ARFIP1: variants seen among roughly 807,000 people sequenced by gnomAD.
The protein encoded by ARFIP1 is ARF interacting protein 1.
In ARFIP1, 24 loss-of-function variants were observed where a neutral mutation model predicts 42.5. The observed-to-expected ratio is 0.57, with a 90% CI of 0.41 to 0.80. ARFIP1 has a LOEUF of 0.80. ARFIP1 is among the 30% of genes least tolerant of loss of function. The probability of loss-of-function intolerance (pLI) is 0.00; values close to 1 mark genes in which losing one functional copy is unlikely to be tolerated. For missense variants in ARFIP1, 354 were observed against 434.0 expected (o/e 0.82, Z 1.64); for synonymous variants, 141 against 153.7 (o/e 0.92, Z 0.61).
intron 8 of ARFIP1, among the ~76,000 whole-genome samples, chr4:152,902,772 G>T (rs1488771241): frequency 6.6e-6 from 1 of 152,204 alleles, no homozygotes; most frequent in East Asian, 1.9e-4. Flanking sequence ...TCTCCTAAAA[G>T]TGGGATTTGA....
At chr4:152,872,109 A>G (rs1215666104) in intron 4 of ARFIP1, among the ~76,000 whole-genome samples, 1 of 152,102 alleles carries the variant, frequency 6.6e-6, no homozygotes, top group African/African-American at 2.4e-5. Context: ...TTTTAGTGTC[A>G]TTAGTGTATA....
chr4:152,893,891 A>G (rs985644935), intron 8 of ARFIP1, among the ~76,000 whole-genome samples: 3 of 152,166 alleles, frequency 2.0e-5, no homozygotes, highest in Non-Finnish European at 4.4e-5. Flanking sequence ...AGTGTTTCAT[A>G]TATAATCACA....
chr4:152,883,871 C>T (rs1431330924), intron 7 of ARFIP1, among the ~76,000 whole-genome samples: 2 of 151,408 alleles, frequency 1.3e-5, no homozygotes, highest in Admixed American at 1.3e-4. Context: ...TCTTATTTTC[C>T]ATTATACTTT....
chr4:152,825,305 T>C (rs1260412053), intron 1 of ARFIP1, among the ~76,000 whole-genome samples: 1 of 152,132 alleles, frequency 6.6e-6, no homozygotes, highest in Non-Finnish European at 1.5e-5. Flanking sequence ...CAAACTATAC[T>C]ATAAGGCTAT....
chr4:152,787,943 A>C (rs1730906832), intron 1 of ARFIP1, among the ~76,000 whole-genome samples: 1 of 152,242 alleles, frequency 6.6e-6, no homozygotes, highest in South Asian at 2.1e-4. Flanking sequence ...ATAAATTATT[A>C]GGCCGGGCAC....
intron 1 of ARFIP1, among the ~76,000 whole-genome samples, chr4:152,788,058 T>G (rs1730914231): frequency 6.6e-6 from 1 of 152,028 alleles, no homozygotes; most frequent in African/African-American, 2.4e-5. Context: ...AAACCCTGTC[T>G]CTACTAAAAA....
chr4:152,837,548 A>G (rs1222480739), intron 2 of ARFIP1, among the ~76,000 whole-genome samples: 1 of 151,996 alleles, frequency 6.6e-6, no homozygotes, highest in Non-Finnish European at 1.5e-5. Flanking sequence ...GCATTTTTTC[A>G]TATGTTTGTT....
chr4:152,859,673 G>T (rs1304081401), intron 2 of ARFIP1, among the ~76,000 whole-genome samples: 1 of 151,702 alleles, frequency 6.6e-6, no homozygotes, highest in Non-Finnish European at 1.5e-5. Flanking sequence ...TTTTTGGTTT[G>T]TACTCTGTAT....
At chr4:152,811,436 G>T (rs896851381) in intron 1 of ARFIP1, among the ~76,000 whole-genome samples, 1 of 152,120 alleles carries the variant, frequency 6.6e-6, no homozygotes, top group Admixed American at 6.5e-5. Flanking sequence ...GATCATTTGA[G>T]CTGAGCCTTA....
intron 1 of ARFIP1, among the ~76,000 whole-genome samples, chr4:152,821,087 G>A (rs759049770): frequency 2.0e-4 from 31 of 151,946 alleles, no homozygotes; most frequent in African/African-American, 1.2e-4. Flanking sequence ...AAAAACAGAG[G>A]GAGAGTCACC....
chr4:152,826,794 G>T (rs1308071011), intron 1 of ARFIP1, among the ~76,000 whole-genome samples: 1 of 152,026 alleles, frequency 6.6e-6, no homozygotes, highest in South Asian at 2.1e-4. Flanking sequence ...TATCCATCAC[G>T]GGATGAATGG....
chr4:152,881,022 AC>A lies in ARFIP1; in HGVS notation c.472del (p.Glu159LysfsTer7). 1.9e-6 allele frequency: 3 copies of A among 1,613,958 alleles called. No individual in the cohort carries two copies. Among genetic ancestry groups the A allele is most frequent in the Non-Finnish European group, 2.5e-6 (3 of 1,179,890 alleles). ...GTGGCTCAAGAACTGTGGACCTTGA[AC>A]TTGAAGCTCAGATTGATATATTAAG... ...GRGSRTVDLE[L>X]EAQIDILRDN... On this transcript the variant is annotated frameshift_variant, in exon 6 of 9. Transcript: ENST00000353617. LOFTEE classifies it high-confidence loss of function.
intron 2 of ARFIP1, among the ~76,000 whole-genome samples, chr4:152,835,711 G>T (rs960608875): frequency 6.6e-6 from 1 of 152,080 alleles, no homozygotes; most frequent in Non-Finnish European, 1.5e-5. Flanking sequence ...TCAATTTTCT[G>T]TGTTAGTCCA....
At chr4:152,862,289 T>C (rs2149875489) in intron 2 of ARFIP1, among the ~76,000 whole-genome samples, 1 of 152,308 alleles carries the variant, frequency 6.6e-6, no homozygotes, top group East Asian at 1.9e-4. Context: ...CTGATGCAGC[T>C]TAGAATCCAT....
At chr4:152,798,100 A>G (rs1731583106) in intron 1 of ARFIP1, among the ~76,000 whole-genome samples, 1 of 152,166 alleles carries the variant, frequency 6.6e-6, no homozygotes, top group Non-Finnish European at 1.5e-5. Context: ...TCTACAAAAA[A>G]TTAGCTGGGC....
At chr4:152,805,663 T>G (rs62319866) in intron 1 of ARFIP1, among the ~76,000 whole-genome samples, 57,787 of 152,036 alleles carry the variant, frequency 0.38, 12,048 homozygotes, top group Admixed American at 0.49. Context: ...CCCTAGAGCT[T>G]GGGAAAGAAT....
chr4:152,804,336 T>A lies in ARFIP1; in HGVS notation c.-10+24110T>A, dbSNP rs569437457. Among the ~76,000 whole-genome samples, 10 of 25,374 alleles carry A rather than the reference T, an allele frequency of 3.9e-4. 1 individual carries two copies. Among genetic ancestry groups the A allele is most frequent in the East Asian group, 1.9e-3 (2 of 1,052 alleles). The allele number at this position is 25,374 out of a possible 152,430, so 16.6% of individuals were successfully genotyped here. A position where few individuals can be genotyped will look rare whatever the true frequency, so the allele number is the denominator to read the frequency against. ...TAACATAACATGTATTATATATATT[T>A]TATATATATAATATAACATGTATTA... is the stretch of plus-strand genomic sequence containing the variant. On this transcript the variant is annotated intron_variant, in intron 1 of 8. Coordinates refer to ENST00000353617, the MANE Select transcript of ARFIP1 (RefSeq NM_001025595.3).
At chr4:152,800,454 T>C (rs1275299338) in intron 1 of ARFIP1, among the ~76,000 whole-genome samples, 1 of 152,146 alleles carries the variant, frequency 6.6e-6, no homozygotes, top group Non-Finnish European at 1.5e-5. Context: ...GATTTGAGCC[T>C]CAATGAAAGA....
chr4:152,864,103 A>G (rs979292584), intron 3 of ARFIP1, among the ~76,000 whole-genome samples: 6 of 152,032 alleles, frequency 3.9e-5, no homozygotes, highest in African/African-American at 1.5e-4. Flanking sequence ...TACGTTATAT[A>G]GGAGGTCTCC....
Sources: gnomAD v4.1 joint callset for allele counts (sites outside exome capture counted in the v4.1 genomes callset) on GRCh38, gnomAD v4.1.1 for gene constraint, MANE v1.5 for transcripts, NCBI Gene and HGNC (gene_info 2026-07-23, HGNC 2026-07-21) for gene names.